Variants in SPATA6 observed in about 807,000 individuals in gnomAD.
SPATA6 encodes spermatogenesis-associated protein 6.
A neutral mutation model predicts 65.3 loss-of-function variants in SPATA6; 56 were observed. That is an observed-to-expected ratio of 0.86 (90% confidence interval 0.69 to 1.07). The LOEUF is 1.07. Ranked by LOEUF, SPATA6 falls within the 50% of genes least tolerant of loss-of-function variation. The probability of loss-of-function intolerance (pLI) is 0.00; values close to 1 mark genes in which losing one functional copy is unlikely to be tolerated. For missense variants in SPATA6, 590 were observed against 594.8 expected, an observed-to-expected ratio of 0.99 and a Z score of 0.08; for synonymous variants, 199 against 213.2, an observed-to-expected ratio of 0.93 and a Z score of 0.58.
the SPATA6 span, among the ~76,000 whole-genome samples, chr1:48,268,133 A>C: frequency 6.6e-6 from 1 of 151,872 alleles, no homozygotes; most frequent in Non-Finnish European, 1.5e-5. Flanking sequence ...TGGGTGCAAA[A>C]ACAGGAGTGC....
intron 11 of SPATA6, among the ~76,000 whole-genome samples, chr1:48,342,237 G>GAGTTCACAA (rs1646238822): frequency 6.6e-6 from 1 of 152,014 alleles, no homozygotes; most frequent in Non-Finnish European, 1.5e-5. Flanking sequence ...ATAAAATTTT[G>GAGTTCACAA]TTTTTTAAAA....
At chr1:48,417,868 T>C (rs1324550492) in intron 3 of SPATA6, among the ~76,000 whole-genome samples, 2 of 152,106 alleles carry the variant, frequency 1.3e-5, no homozygotes, top group African/African-American at 4.8e-5. Context: ...ACATTTTTGT[T>C]TTTTGTTGTT....
At chr1:48,344,447 A>C (rs1224984204) in intron 11 of SPATA6, 2 of 152,158 alleles carry the variant, frequency 1.3e-5, no homozygotes, top group Non-Finnish European at 2.9e-5. Context: ...AAGTTCACAG[A>C]CCAGTGACTC....
At chr1:48,430,603 G>A (rs1299244918) in intron 3 of SPATA6, among the ~76,000 whole-genome samples, 7 of 152,030 alleles carry the variant, frequency 4.6e-5, no homozygotes. Context: ...ATAACAATGG[G>A]TTGTAACTCC....
intron 9 of SPATA6, among the ~76,000 whole-genome samples, chr1:48,384,715 C>A (rs566645428): frequency 6.6e-6 from 1 of 152,156 alleles, no homozygotes; most frequent in African/African-American, 2.4e-5. Context: ...CACCTCTCTA[C>A]CATTACTTCT....
intron 11 of SPATA6, among the ~76,000 whole-genome samples, chr1:48,310,982 G>T (rs986263956): frequency 3.3e-5 from 5 of 151,990 alleles, no homozygotes; most frequent in African/African-American, 1.2e-4. Flanking sequence ...ATGATCAGTA[G>T]GCCAAATAAA....
At chr1:48,350,860 G>A (rs558115914) in intron 11 of SPATA6, among the ~76,000 whole-genome samples, 63 of 151,762 alleles carry the variant, frequency 4.2e-4, no homozygotes, top group Non-Finnish European at 4.0e-4. Context: ...AAGTTTCTTT[G>A]CCTTTCATAC....
At chr1:48,387,770 C>T (rs1168996104) in intron 8 of SPATA6, among the ~76,000 whole-genome samples, 2 of 152,190 alleles carry the variant, frequency 1.3e-5, no homozygotes, top group Non-Finnish European at 2.9e-5. Context: ...GAGATTGGGC[C>T]TACACTCATA....
At chr1:48,379,759 C>T (rs747079722) in intron 9 of SPATA6, among the ~76,000 whole-genome samples, 36 of 152,114 alleles carry the variant, frequency 2.4e-4, no homozygotes, top group Non-Finnish European at 3.8e-4. Context: ...GCCACTTTCT[C>T]TTCTTTATTT....
intron 9 of SPATA6, among the ~76,000 whole-genome samples, chr1:48,366,054 T>C (rs1557620189): frequency 6.6e-6 from 1 of 152,234 alleles, no homozygotes; most frequent in Non-Finnish European, 1.5e-5. Context: ...GAGATAATCA[T>C]ACGGTATTTG....
chr1:48,324,424 C>T (rs1645694927), intron 11 of SPATA6, among the ~76,000 whole-genome samples: 1 of 152,054 alleles, frequency 6.6e-6, no homozygotes, highest in Non-Finnish European at 1.5e-5. Flanking sequence ...CCCTGATGAA[C>T]ATTGATATAA....
Position 48,404,121 on chromosome 1 carries a change from A to G in SPATA6, c.406-239T>C, listed in dbSNP as rs186984894. 6.2e-4 allele frequency among the ~76,000 whole-genome samples: 94 copies of G among 152,178 alleles called. 1 individual carries two copies. The highest frequency in any genetic ancestry group is 9.2e-4 in the Admixed American group (14 of 15,260). Reference sequence around the variant, plus strand: ...ATTACTTTTATAAAATAATTAGTCTATTTTTTCATTTTTAAGTATTTCCCT... The same window carrying G: ...ATTACTTTTATAAAATAATTAGTCTGTTTTTTCATTTTTAAGTATTTCCCT... On this transcript the variant is annotated intron_variant, in intron 5 of 12. Coordinates refer to ENST00000371847, the MANE Select transcript of SPATA6 (RefSeq NM_019073.4).
rs1195621539 is a variant in SPATA6 at position 48,472,010 on chromosome 1, C to G, written c.-2G>C. ...CTGCAGCGCCTTCACCTTCGGCATCCGTGCGGGGAGGGGCGGCGGGGAGTG... is the reference window on the plus strand; with the variant it reads ...CTGCAGCGCCTTCACCTTCGGCATCGGTGCGGGGAGGGGCGGCGGGGAGTG... On this transcript the variant is annotated 5_prime_UTR_variant, in exon 1 of 13. Transcript: ENST00000371847. 4 of 1,485,486 alleles carry G rather than the reference C, an allele frequency of 2.7e-6. No individual in the cohort carries two copies. The highest frequency in any genetic ancestry group is 1.9e-5 in the Admixed American group (1 of 51,430). The allele number at this position is 1,485,486 out of a possible 1,614,324, so 92.0% of individuals were successfully genotyped here.
intron 9 of SPATA6, among the ~76,000 whole-genome samples, chr1:48,376,563 G>C (rs1647934462): frequency 6.6e-6 from 1 of 150,866 alleles, no homozygotes; most frequent in Non-Finnish European, 1.5e-5. Flanking sequence ...TTTTTACTGG[G>C]ATCTTGCTAA....
At chr1:48,351,525 T>C (rs938747655) in intron 11 of SPATA6, among the ~76,000 whole-genome samples, 10 of 152,080 alleles carry the variant, frequency 6.6e-5, no homozygotes, top group African/African-American at 2.4e-4. Context: ...GGAGTTTAAT[T>C]TTATTGAATC....
chr1:48,387,089 C>T (rs983047092), intron 8 of SPATA6, among the ~76,000 whole-genome samples: 12 of 152,188 alleles, frequency 7.9e-5, no homozygotes, highest in African/African-American at 2.9e-4. Flanking sequence ...AAGAGCAAGT[C>T]ACGTCTTACA....
intron 11 of SPATA6, among the ~76,000 whole-genome samples, chr1:48,333,920 T>C (rs1645986221): frequency 6.6e-6 from 1 of 151,976 alleles, no homozygotes; most frequent in Non-Finnish European, 1.5e-5. Context: ...CATATCCAAA[T>C]AAACACTATA....
chr1:48,313,338 C>T (rs1424441236), intron 11 of SPATA6, among the ~76,000 whole-genome samples: 1 of 152,202 alleles, frequency 6.6e-6, no homozygotes, highest in Non-Finnish European at 1.5e-5. Context: ...AGACTAACAG[C>T]TGATCTCTTG....
At chr1:48,329,318 A>C (rs1645849277) in intron 11 of SPATA6, among the ~76,000 whole-genome samples, 1 of 152,198 alleles carries the variant, frequency 6.6e-6, no homozygotes, top group Admixed American at 6.5e-5. Context: ...AAATGTATAG[A>C]TTAGAAATGG....
Sources: allele counts gnomAD v4.1 joint callset (sites outside exome capture counted in the v4.1 genomes callset), GRCh38; gene constraint gnomAD v4.1.1; transcripts MANE v1.5; gene names NCBI Gene and HGNC (gene_info 2026-07-23, HGNC 2026-07-21).